PALLD: variants seen among roughly 807,000 people sequenced by gnomAD.
PALLD encodes palladin, cytoskeletal associated protein.
In PALLD, 61 loss-of-function variants were observed where a neutral mutation model predicts 123.5. The ratio of observed to expected loss-of-function variants is 0.49; its 90% CI spans 0.40 to 0.61. The LOEUF is 0.61. Ranked by LOEUF, PALLD falls within the 20% of genes least tolerant of loss-of-function variation. PALLD has a pLI of 0.00. For missense variants in PALLD, 1,273 were observed against 1,377.0 expected, an observed-to-expected ratio of 0.92 and a Z score of 1.20; for synonymous variants, 465 against 496.4, an observed-to-expected ratio of 0.94 and a Z score of 0.84.
chr4:168,846,098 A>G (rs965400237), intron 10 of PALLD, among the ~76,000 whole-genome samples: 9 of 152,208 alleles, frequency 5.9e-5, no homozygotes, highest in African/African-American at 2.2e-4. Flanking sequence ...CTCTTCTCTA[A>G]TATGCATTCA....
intron 10 of PALLD, among the ~76,000 whole-genome samples, chr4:168,831,090 A>G (rs954497083): frequency 6.6e-6 from 1 of 152,214 alleles, no homozygotes; most frequent in Non-Finnish European, 1.5e-5. Flanking sequence ...AGAAGACAGA[A>G]ATTGTTGTGA....
chr4:168,564,795 A>G (rs2149587675), intron 2 of PALLD, among the ~76,000 whole-genome samples: 1 of 152,322 alleles, frequency 6.6e-6, no homozygotes, highest in East Asian at 1.9e-4. Context: ...AAATCACTAT[A>G]GATTAAGTCA....
Position 168,900,643 on chromosome 4 carries a change from C to T in PALLD, c.2472+1929C>T, listed in dbSNP as rs184529993. On this transcript the variant is annotated intron_variant, in intron 14 of 21. Coordinates refer to ENST00000505667, the MANE Select transcript of PALLD (RefSeq NM_001166108.2). Reference sequence around the variant, plus strand: ...TCATGTTCTTTTCTTAAAACTGAATCGCAACGCCAAAGTCAAAGATCAAAG... The same window carrying T: ...TCATGTTCTTTTCTTAAAACTGAATTGCAACGCCAAAGTCAAAGATCAAAG... Among the ~76,000 whole-genome samples, 66 of 152,200 alleles carry T rather than the reference C, an allele frequency of 4.3e-4. 1 individual carries two copies. Among genetic ancestry groups the T allele is most frequent in the African/African-American group, 1.5e-3 (64 of 41,532 alleles).
At chr4:168,507,974 C>T (rs573786372) in intron 1 of PALLD, among the ~76,000 whole-genome samples, 2 of 152,338 alleles carry the variant, frequency 1.3e-5, no homozygotes, top group Admixed American at 6.5e-5. Flanking sequence ...CTTCCTCATC[C>T]CTCACACATC....
At chr4:168,563,889 G>A (rs993489010) in intron 2 of PALLD, among the ~76,000 whole-genome samples, 7 of 152,134 alleles carry the variant, frequency 4.6e-5, no homozygotes, top group African/African-American at 1.4e-4. Context: ...AATTTATGGG[G>A]TACAAGTGTA....
At chr4:168,791,658 G>A (rs148065626) in intron 10 of PALLD, among the ~76,000 whole-genome samples, 3 of 152,266 alleles carry the variant, frequency 2.0e-5, no homozygotes, top group African/African-American at 7.2e-5. Context: ...TTCAAGATGC[G>A]ATTTTGGGTG....
At chr4:168,779,057 G>T (rs1042251238) in intron 10 of PALLD, among the ~76,000 whole-genome samples, 1 of 152,164 alleles carries the variant, frequency 6.6e-6, no homozygotes, top group African/African-American at 2.4e-5. Context: ...ACATGATTCT[G>T]CATGAAAAAT....
chr4:168,721,670 C>T (rs916975809), intron 10 of PALLD, among the ~76,000 whole-genome samples: 13 of 152,084 alleles, frequency 8.5e-5, no homozygotes, highest in Non-Finnish European at 1.8e-4. Context: ...CTTTCTCTTC[C>T]ATCCTCCTTC....
intron 2 of PALLD, among the ~76,000 whole-genome samples, chr4:168,625,178 T>C (rs941042533): frequency 4.6e-5 from 7 of 151,918 alleles, no homozygotes; most frequent in Non-Finnish European, 1.0e-4. Flanking sequence ...ATTAAAAGCA[T>C]TGATAATTAA....
chr4:168,508,951 G>C (rs1357176457), intron 1 of PALLD, among the ~76,000 whole-genome samples: 1 of 152,098 alleles, frequency 6.6e-6, no homozygotes, highest in Non-Finnish European at 1.5e-5. Context: ...GAGAAACCAG[G>C]CTGCCTTGGT....
At chr4:168,917,939 G>C in intron 17 of PALLD, among the ~76,000 whole-genome samples, 1 of 152,036 alleles carries the variant, frequency 6.6e-6, no homozygotes, top group East Asian at 1.9e-4. Context: ...AGTGGCACAC[G>C]CCTGTAATCC....
At chr4:168,884,858 C>G (rs1753118249) in intron 10 of PALLD, among the ~76,000 whole-genome samples, 1 of 152,186 alleles carries the variant, frequency 6.6e-6, no homozygotes, top group African/African-American at 2.4e-5. Flanking sequence ...CACTTCAGAT[C>G]CACTCTTACT....
chr4:168,708,542 A>G (rs551745336), intron 8 of PALLD, among the ~76,000 whole-genome samples: 148 of 152,310 alleles, frequency 9.7e-4, no homozygotes, highest in African/African-American at 3.4e-3. Context: ...ATAGTTGTCT[A>G]CAGGTCAAAC....
chr4:168,676,868 C>T (rs751400904), intron 3 of PALLD, among the ~76,000 whole-genome samples: 10 of 151,986 alleles, frequency 6.6e-5, no homozygotes, highest in Non-Finnish European at 1.3e-4. Context: ...TGTGAGCCAC[C>T]GCGCCCAGCC....
intron 10 of PALLD, among the ~76,000 whole-genome samples, chr4:168,757,666 C>T (rs541650245): frequency 6.6e-6 from 1 of 152,244 alleles, no homozygotes; most frequent in South Asian, 2.1e-4. Flanking sequence ...TGTGACACAT[C>T]ACCTCTGGGC....
chr4:168,692,147 T>C (rs776749686), intron 8 of PALLD, among the ~76,000 whole-genome samples: 11 of 152,186 alleles, frequency 7.2e-5, no homozygotes, highest in Non-Finnish European at 1.6e-4. Flanking sequence ...TTAGGAGCCA[T>C]GACCTTGCTC....
chr4:168,813,394 G>A (rs1470981711), intron 10 of PALLD, among the ~76,000 whole-genome samples: 1 of 152,124 alleles, frequency 6.6e-6, no homozygotes, highest in African/African-American at 2.4e-5. Context: ...CCCTGCTTTG[G>A]AGCAAGGCAG....
intron 2 of PALLD, among the ~76,000 whole-genome samples, chr4:168,637,723 CA>C (rs1776486247): frequency 6.6e-6 from 1 of 152,064 alleles, no homozygotes; most frequent in African/African-American, 2.4e-5. Context: ...GCAGGTGGAT[CA>C]CTTGAGGTCA....
intron 10 of PALLD, among the ~76,000 whole-genome samples, chr4:168,805,076 T>G (rs532684370): frequency 1.3e-5 from 2 of 152,036 alleles, no homozygotes; most frequent in African/African-American, 2.4e-5. Flanking sequence ...GAGAATCGTT[T>G]AAACCCGGGA....
Sources: gnomAD v4.1 joint callset for allele counts (sites outside exome capture counted in the v4.1 genomes callset) on GRCh38, gnomAD v4.1.1 for gene constraint, MANE v1.5 for transcripts, NCBI Gene and HGNC (gene_info 2026-07-23, HGNC 2026-07-21) for gene names.